DSCAML1: variants seen among roughly 807,000 people sequenced by gnomAD.
The protein encoded by DSCAML1 is cell adhesion molecule DSCAML1.
In DSCAML1, 38 loss-of-function variants were observed where a neutral mutation model predicts 200.5. The ratio of observed to expected loss-of-function variants is 0.19; its 90% CI spans 0.15 to 0.25. DSCAML1 has a LOEUF of 0.25. Among genes scored for constraint, DSCAML1 ranks in the 10% least tolerant of loss-of-function variants. DSCAML1 has a pLI of 1.00. For synonymous variants in DSCAML1, 1,215 were observed against 1,165.0 expected (o/e 1.04, Z -0.87); for missense variants, 2,223 against 2,858.8 (o/e 0.78, Z 5.07).
At chr11:117,615,120 A>G (rs1428716914) in intron 3 of DSCAML1, among the ~76,000 whole-genome samples, 12 of 152,176 alleles carry the variant, frequency 7.9e-5, no homozygotes, top group Non-Finnish European at 1.6e-4. Flanking sequence ...AGAGCTGTTG[A>G]CCCTGGGAGG....
chr11:117,517,141 T>A (rs1565758108), intron 7 of DSCAML1, among the ~76,000 whole-genome samples: 1 of 152,164 alleles, frequency 6.6e-6, no homozygotes, highest in Non-Finnish European at 1.5e-5. Flanking sequence ...GGTAGAGATT[T>A]TGTTGTTTCC....
At chr11:117,482,194 A>G (rs2137218455) in intron 11 of DSCAML1, 32 bp from the exon 12 acceptor site, 6 of 1,611,970 alleles carry the variant, frequency 3.7e-6, no homozygotes, top group Non-Finnish European at 5.1e-6. Context: ...GGCCCAGTGA[A>G]GGTCGGGAGA....
chr11:117,785,121 C>G (rs1307383640), intron 1 of DSCAML1, among the ~76,000 whole-genome samples: 8 of 152,154 alleles, frequency 5.3e-5, no homozygotes, highest in African/African-American at 1.9e-4. Flanking sequence ...GCACCAGCCA[C>G]GCGCTGCACC....
chr11:117,436,938 C>G (rs985112009), intron 26 of DSCAML1, among the ~76,000 whole-genome samples, 184 bp downstream of exon 26: 1 of 152,188 alleles, frequency 6.6e-6, no homozygotes, highest in African/African-American at 2.4e-5. Context: ...GCCCGCTTAC[C>G]TGGCTGCAAC....
chr11:117,443,939 G>A lies in DSCAML1; in HGVS notation c.3809C>T (p.Ser1270Phe). ...QYLLWVAAVTSAGRGNSSEKV... is the reference protein window; with the variant it reads ...QYLLWVAAVTFAGRGNSSEKV... Reference sequence around the variant, plus strand: ...CTCGCTGCTGTTGCCCCGGCCGGCAGAGGTGACGGCGGCCACCCACAGCAG... The same window carrying A: ...CTCGCTGCTGTTGCCCCGGCCGGCAAAGGTGACGGCGGCCACCCACAGCAG... The change falls in exon 21 of 33, where the codon TCT (serine) becomes TTT (phenylalanine). Residue 1270 changes from serine to phenylalanine, a missense_variant. Physicochemically the swap from Ser to Phe is radical, Grantham distance 155. Coordinates refer to ENST00000651296, the MANE Select transcript of DSCAML1 (RefSeq NM_020693.4). 1 of 1,613,338 alleles carries A rather than the reference G, an allele frequency of 6.2e-7. No individual in the cohort carries two copies. Among genetic ancestry groups the A allele is most frequent in the Non-Finnish European group, 8.5e-7 (1 of 1,179,840 alleles).
At position 117,428,401 on chromosome 11, in the gene DSCAML1, A is replaced by G. The variant is rs1565666078; in HGVS notation, c.6089T>C (p.Met2030Thr). 6.3e-7 allele frequency: 1 copy of G among 1,576,918 alleles called. No individual in the cohort carries two copies. Among genetic ancestry groups the G allele is most frequent in the Non-Finnish European group, 8.6e-7 (1 of 1,166,062 alleles). The change falls in exon 33 of 33, where the codon ATG becomes ACG. Residue 2030 changes from methionine (M) to threonine (T), a missense_variant. This residue lies in a region of DSCAML1 where 280 missense variants were observed against 213.4 expected (regional missense o/e 1.31). Coordinates refer to ENST00000651296, the MANE Select transcript of DSCAML1 (RefSeq NM_020693.4). ...AGACCTCCCTACCCCCGATGTGCTC[A>G]TCTCGAGAAGCGAGTCCCTGGAGCC... ...MGGSRDSLLE[M>T]STSGVGRSQK... is the part of the protein sequence containing the mutation.
Position 117,437,762 on chromosome 11 carries a change from C to T in DSCAML1, c.4432+133G>A, listed in dbSNP as rs933786601. On this transcript the variant is annotated intron_variant, in intron 25 of 32. Transcript: ENST00000651296. The surrounding 1 kb of genome is among the most constrained non-coding windows in gnomAD (Gnocchi z 5.3). ...GGTGACGGGAAGGAGGCTGAGGCTC[C>T]TCCCTTCAGTCTCCCTGCATCCCTG... is the stretch of plus-strand genomic sequence containing the variant. 1.5e-5 allele frequency: 15 copies of T among 1,026,434 alleles called. No homozygotes were observed. The highest frequency in any genetic ancestry group is 8.7e-5 in the Admixed American group (3 of 34,286). 63.6% of individuals were successfully genotyped at this position (1,026,434 alleles called of 1,614,324 possible). A position where few individuals can be genotyped will look rare whatever the true frequency, so the allele number is the denominator to read the frequency against.
chr11:117,728,803 T>C (rs2054174598), intron 3 of DSCAML1, among the ~76,000 whole-genome samples: 1 of 152,128 alleles, frequency 6.6e-6, no homozygotes, highest in South Asian at 2.1e-4. Flanking sequence ...CATAAATAAA[T>C]GGAAGGATAT....
At chr11:117,543,515 C>G (rs1256936870) in intron 3 of DSCAML1, among the ~76,000 whole-genome samples, 1 of 152,140 alleles carries the variant, frequency 6.6e-6, no homozygotes, top group African/African-American at 2.4e-5. Context: ...TACACTTGCA[C>G]AGGCTGATGG....
Position 117,439,478 on chromosome 11 carries a change from C to T in DSCAML1, c.3981-49G>A, listed in dbSNP as rs74715290. 4.4e-3 allele frequency: 7,013 copies of T among 1,582,914 alleles called. 308 individuals carry two copies. In the Admixed American group the frequency reaches 0.086, roughly 19 times the overall value. ...GGTGGGTCATGTCAAGCACCCCTTC[C>T]TCCTGAGGCCCTCCCCCCGGTGTGT... On this transcript the variant is annotated intron_variant, in intron 22 of 32. Transcript: ENST00000651296.
intron 19 of DSCAML1, among the ~76,000 whole-genome samples, chr11:117,452,066 T>C (rs4938379): frequency 0.55 from 83,508 of 151,888 alleles, 23,127 homozygotes; most frequent in African/African-American, 0.6. Context: ...TGCTACACAG[T>C]CCTGTGTGTC....
chr11:117,778,267 G>C lies in DSCAML1; in HGVS notation c.365-1330C>G, dbSNP rs542082740. Reference sequence around the variant, plus strand: ...GATCTGTGGTCCAGCCCTTCCAAAGGTTTGGGCAGAGCCCTGCCTCCAGAT... The same window carrying C: ...GATCTGTGGTCCAGCCCTTCCAAAGCTTTGGGCAGAGCCCTGCCTCCAGAT... On this transcript the variant is annotated intron_variant, in intron 2 of 32. Coordinates refer to ENST00000651296, the MANE Select transcript of DSCAML1 (RefSeq NM_020693.4). 2.6e-5 allele frequency among the ~76,000 whole-genome samples: 4 copies of C among 152,362 alleles called. No homozygotes were observed. The South Asian group carries it at 8.3e-4, about 32-fold the overall frequency.
chr11:117,431,076 T>C, intron 31 of DSCAML1, 43 bp from the exon 32 acceptor site: 3 of 1,553,592 alleles, frequency 1.9e-6, no homozygotes, highest in African/African-American at 1.4e-5. Context: ...GGGAGGAGGG[T>C]ATAAGTGAGA....
chr11:117,438,970 C>T lies in DSCAML1; in HGVS notation c.4158G>A (p.Gln1386=), dbSNP rs779611564. The T allele has an allele frequency of 1.2e-6, 2 of 1,606,582 alleles. No individual in the cohort carries two copies. The highest frequency in any genetic ancestry group is 2.2e-5 in the South Asian group (2 of 89,848). Residue 1386 remains glutamine, a synonymous_variant, in exon 24 of 33, where the codon CAG becomes CAA. Coordinates refer to ENST00000651296, the MANE Select transcript of DSCAML1 (RefSeq NM_020693.4). ...AGGTTTTGGAGACAGTGAGGCGGGGCTGGTCCGGGGGAACTGTGAGGGGAA... is the reference window on the plus strand; with the variant it reads ...AGGTTTTGGAGACAGTGAGGCGGGGTTGGTCCGGGGGAACTGTGAGGGGAA... The part of the protein sequence containing the change: ...VNLLVQVPPD[Q]PRLTVSKTSA...
chr11:117,598,837 C>T (rs1245503634), intron 3 of DSCAML1, among the ~76,000 whole-genome samples: 1 of 152,148 alleles, frequency 6.6e-6, no homozygotes, highest in Non-Finnish European at 1.5e-5. Context: ...TGATTAGGAG[C>T]TCTGGGAGTT....
intron 3 of DSCAML1, among the ~76,000 whole-genome samples, chr11:117,721,609 G>A (rs929441701): frequency 2.7e-5 from 4 of 147,940 alleles, no homozygotes; most frequent in Admixed American, 1.4e-4. Context: ...CCTCTTATAT[G>A]TATATATAAA....
In DSCAML1 at chr11:117,516,820, C is replaced by T. The variant is rs1338275262; in HGVS notation, c.1511-81G>A. 1.3e-5 allele frequency: 19 copies of T among 1,507,748 alleles called. No homozygotes were observed. Among genetic ancestry groups the T allele is most frequent in the East Asian group, 4.6e-5 (2 of 43,606 alleles). The allele number at this position is 1,507,748 out of a possible 1,614,324, so 93.4% of individuals were successfully genotyped here. On this transcript the variant is annotated intron_variant, in intron 7 of 32. Transcript: ENST00000651296. This position sits in a 1 kb window ranked among gnomAD's most constrained non-coding sequence, Gnocchi z 5.7. Reference sequence around the variant, plus strand: ...CCAGGGACAGCCAGGCACCACCCTGCGGTGCTCTTCTCAGGCACTCGGCCC... The same window carrying T: ...CCAGGGACAGCCAGGCACCACCCTGTGGTGCTCTTCTCAGGCACTCGGCCC...
chr11:117,679,017 G>A (rs1194809707), intron 3 of DSCAML1, among the ~76,000 whole-genome samples: 2 of 152,260 alleles, frequency 1.3e-5, no homozygotes, highest in African/African-American at 4.8e-5. Flanking sequence ...CACATATGGG[G>A]GAGGGGCTCC....
chr11:117,449,815 C>T (rs937976415), intron 20 of DSCAML1, among the ~76,000 whole-genome samples: 1 of 148,568 alleles, frequency 6.7e-6, no homozygotes, highest in Non-Finnish European at 1.5e-5. Context: ...TGGTGGTTGA[C>T]TGGCTGGAGA....
Sources: allele counts gnomAD v4.1 joint callset (sites outside exome capture counted in the v4.1 genomes callset), GRCh38; gene constraint gnomAD v4.1.1; regional missense constraint gnomAD v4.1.1; non-coding constraint Gnocchi (gnomAD v3.1); transcripts MANE v1.5; gene names NCBI Gene and HGNC (gene_info 2026-07-23, HGNC 2026-07-21).